Variants in DHX9 observed in about 807,000 individuals in gnomAD.
DHX9 encodes the protein ATP-dependent RNA helicase A.
A neutral mutation model predicts 148.7 loss-of-function variants in DHX9; 27 were observed. The observed-to-expected ratio is 0.18, with a 90% CI of 0.13 to 0.25. DHX9 has a LOEUF of 0.25. Among genes scored for constraint, DHX9 ranks in the 10% least tolerant of loss-of-function variants. DHX9 has a pLI of 1.00. For synonymous variants in DHX9, 529 were observed against 516.6 expected (o/e 1.02, Z -0.33); for missense variants, 796 against 1,559.6 (o/e 0.51, Z 8.25).
chr1:182,858,566 G>T lies in DHX9; in HGVS notation c.826G>T (p.Val276Leu). The T allele has an allele frequency of 1.2e-6, 2 of 1,610,188 alleles. No individual in the cohort carries two copies. The highest frequency in any genetic ancestry group is 8.5e-7 in the Non-Finnish European group (1 of 1,177,866). The change falls in exon 9 of 28, where the codon GTA (valine) becomes TTA (leucine). Residue 276 changes from valine to leucine, a missense_variant. Physicochemically the swap from Val to Leu is conservative, Grantham distance 32. Transcript: ENST00000367549. ...TTTTCCATAGGTGGAGCCTTACAAA[G>T]TAAACCTCTCTCAAGATTTAGAGCA... ...KEGETVEPYK[V>L]NLSQDLEHQL...
At chr1:182,869,081 G>A (rs921802708) in intron 14 of DHX9, among the ~76,000 whole-genome samples, 5 of 152,128 alleles carry the variant, frequency 3.3e-5, no homozygotes, top group African/African-American at 4.8e-5. Flanking sequence ...ATGGATTATC[G>A]CTGGTATTTT....
At chr1:182,861,204 A>AT (rs1413608575) in intron 12 of DHX9, among the ~76,000 whole-genome samples, 2 of 152,184 alleles carry the variant, frequency 1.3e-5, no homozygotes, top group Non-Finnish European at 2.9e-5. Context: ...GAAAAAAAAA[A>AT]TTGCTGTGAA....
chr1:182,852,536 G>T (rs1351851427), intron 4 of DHX9, among the ~76,000 whole-genome samples, 192 bp downstream of exon 4: 1 of 152,198 alleles, frequency 6.6e-6, no homozygotes, highest in Non-Finnish European at 1.5e-5. Context: ...GTACAGCATA[G>T]TTCTTTGCTG....
At chr1:182,880,352 A>G in intron 21 of DHX9, 145 bp from the exon 22 acceptor site, 1 of 531,126 alleles carries the variant, frequency 1.9e-6, no homozygotes, top group Non-Finnish European at 3.4e-6. Flanking sequence ...GAGTACAGAG[A>G]ATTGTTGGCC....
At position 182,858,745 on chromosome 1, in the gene DHX9, T is replaced by C; in HGVS notation, c.913T>C (p.Ser305Pro). 1 of 1,614,150 alleles carries C rather than the reference T, an allele frequency of 6.2e-7. No homozygotes were observed. The highest frequency in any genetic ancestry group is 8.5e-7 in the Non-Finnish European group (1 of 1,180,020). ...TATTTTTTAATAGCCTGAAGATCCT[T>C]CTGTGCCAGTTGCACTCAACATTGG... The part of the protein sequence containing the change: ...LEILPPPEDP[S>P]VPVALNIGKL... The change falls in exon 10 of 28, where the codon TCT (serine) becomes CCT (proline). Residue 305 changes from serine to proline, a missense_variant. Ser to Pro is a moderately conservative substitution (Grantham distance 74, BLOSUM62 -1). Transcript: ENST00000367549.
Position 182,876,288 on chromosome 1 carries a change from A to G in DHX9, c.2029+25A>G, listed in dbSNP as rs778715189. Reference sequence around the variant, plus strand: ...GGTATGAGTCTTTGAATTCTCACATATTTGAGAGTGAAAATGAATGTTTTT... The same window carrying G: ...GGTATGAGTCTTTGAATTCTCACATGTTTGAGAGTGAAAATGAATGTTTTT... On this transcript the variant is annotated intron_variant, in intron 17 of 27. Coordinates refer to ENST00000367549, the MANE Select transcript of DHX9 (RefSeq NM_001357.5). The G allele has an allele frequency of 1.9e-6, 3 of 1,607,994 alleles. No individual in the cohort carries two copies. In the Admixed American group the frequency reaches 5.0e-5, roughly 27 times the overall value.
chr1:182,842,464 A>G (rs1667950396), intron 1 of DHX9, 81 bp from the exon 2 acceptor site: 1 of 732,584 alleles, frequency 1.4e-6, no homozygotes, highest in Non-Finnish European at 2.2e-6. Context: ...TGTTTAACCC[A>G]GATTCAGTAA....
Position 182,872,449 on chromosome 1 carries a change from A to T in DHX9, c.1670A>T (p.Asn557Ile). The T allele has an allele frequency of 1.2e-6, 2 of 1,613,994 alleles. No individual in the cohort carries two copies. The highest frequency in any genetic ancestry group is 1.7e-6 in the Non-Finnish European group (2 of 1,179,960). ...DTSMFCEYFF[N>I]CPIIEVYGRT... is the part of the protein sequence containing the mutation. ...AGCATGTTTTGTGAATATTTCTTCA[A>T]TTGCCCCATCATTGAAGTTTATGGG... The change falls in exon 15 of 28, where the codon AAT becomes ATT. Residue 557 changes from asparagine to isoleucine, a missense_variant. Asn to Ile is a moderately radical substitution (Grantham distance 149, BLOSUM62 -3). This residue lies in a region of DHX9 where 133 missense variants were observed against 223.8 expected (regional missense o/e 0.59). Coordinates refer to ENST00000367549, the MANE Select transcript of DHX9 (RefSeq NM_001357.5).
At chr1:182,876,405 G>C (rs1648761756) in intron 17 of DHX9, 42 bp from the exon 18 acceptor site, 4 of 1,587,072 alleles carry the variant, frequency 2.5e-6, no homozygotes, top group Middle Eastern at 1.7e-4. Flanking sequence ...TTTGAAACCA[G>C]CTCCTGTTTT....
intron 14 of DHX9, among the ~76,000 whole-genome samples, chr1:182,867,835 A>G (rs545479118): frequency 6.6e-6 from 1 of 152,190 alleles, no homozygotes; most frequent in Non-Finnish European, 1.5e-5. Context: ...GGTCCTTGAC[A>G]AAAAAACTGT....
chr1:182,879,423 A>G lies in DHX9; in HGVS notation c.2512+13A>G. 2 of 1,435,088 alleles carry G rather than the reference A, an allele frequency of 1.4e-6. No individual in the cohort carries two copies. The highest frequency in any genetic ancestry group is 1.7e-5 in the South Asian group (1 of 59,556). The allele number at this position is 1,435,088 out of a possible 1,614,324, so 88.9% of individuals were successfully genotyped here. A position where few individuals can be genotyped will look rare whatever the true frequency, so the allele number is the denominator to read the frequency against. ...CACACTCTTAGAGGTACTTACAAAT[A>G]CAAACCTACTTGACGCAGATATTAA... On this transcript the variant is annotated intron_variant, in intron 21 of 27. Coordinates refer to ENST00000367549, the MANE Select transcript of DHX9 (RefSeq NM_001357.5).
At chr1:182,849,688 C>T (rs1668096356) in intron 3 of DHX9, among the ~76,000 whole-genome samples, 1 of 152,112 alleles carries the variant, frequency 6.6e-6, no homozygotes, top group African/African-American at 2.4e-5. Context: ...GTTTTAGATA[C>T]CTTAGTATTC....
intron 15 of DHX9, among the ~76,000 whole-genome samples, chr1:182,874,244 A>G (rs1648668516): frequency 6.6e-6 from 1 of 152,234 alleles, no homozygotes; most frequent in Non-Finnish European, 1.5e-5. Context: ...ACAGTGGAGA[A>G]ATTTGGCAGG....
chr1:182,870,610 G>A (rs1208762793), intron 14 of DHX9, among the ~76,000 whole-genome samples: 11 of 152,120 alleles, frequency 7.2e-5, no homozygotes, highest in African/African-American at 1.2e-4. Context: ...AGTTGAAATC[G>A]GTTCCCTACC....
At chr1:182,843,230 A>G in intron 2 of DHX9, 64 bp from the exon 3 acceptor site, 1 of 1,362,858 alleles carries the variant, frequency 7.3e-7, no homozygotes, top group Non-Finnish European at 9.7e-7. Flanking sequence ...CTACTGAATT[A>G]CGACTTTTTA....
chr1:182,878,611 T>C (rs1442198864), intron 20 of DHX9, among the ~76,000 whole-genome samples: 3 of 152,256 alleles, frequency 2.0e-5, no homozygotes, highest in African/African-American at 4.8e-5. Context: ...GTGTTTGCTG[T>C]TGTTAATTTA....
chr1:182,883,023 G>C (rs962165411), intron 24 of DHX9, 116 bp from the exon 25 acceptor site: 8 of 709,544 alleles, frequency 1.1e-5, no homozygotes, highest in East Asian at 1.1e-4. Context: ...TTACAGACAG[G>C]TTATGTGAAA....
intron 7 of DHX9, 56 bp downstream of exon 7, chr1:182,856,634 A>G: frequency 6.6e-7 from 1 of 1,524,162 alleles, no homozygotes; most frequent in Non-Finnish European, 9.1e-7. Flanking sequence ...AGGAATCTTC[A>G]CATTTTAAGT....
At chr1:182,886,539 TTCTCGAAGAAAA>T (rs1421988308) in intron 27 of DHX9, among the ~76,000 whole-genome samples, 1 of 152,192 alleles carries the variant, frequency 6.6e-6, no homozygotes, top group African/African-American at 2.4e-5. Flanking sequence ...GGTGGTGTTA[TTCTCGAAGAAAA>T]GCTGCACAGG....
Sources: gnomAD v4.1 joint callset for allele counts (sites outside exome capture counted in the v4.1 genomes callset) on GRCh38, gnomAD v4.1.1 for gene constraint, gnomAD v4.1.1 regional missense constraint, MANE v1.5 for transcripts, NCBI Gene and HGNC (gene_info 2026-07-23, HGNC 2026-07-21) for gene names.